TXNDC16: variants seen among roughly 807,000 people sequenced by gnomAD.
The protein encoded by TXNDC16 is thioredoxin domain containing 16, also known as thioredoxin domain-containing protein 16.
In TXNDC16, 74 loss-of-function variants were observed where a neutral mutation model predicts 85.6. That is an observed-to-expected ratio of 0.86 (90% CI 0.72 to 1.05). The LOEUF is 1.05. TXNDC16 is among the 50% of genes least tolerant of loss of function. The probability of loss-of-function intolerance (pLI) is 0.00; values close to 1 mark genes in which losing one functional copy is unlikely to be tolerated. For missense variants in TXNDC16, 959 were observed against 947.0 expected (o/e 1.01, Z -0.17); for synonymous variants, 335 against 326.5 (o/e 1.03, Z -0.28).
chr14:52,453,017 C>T (rs1400906089), intron 18 of TXNDC16, among the ~76,000 whole-genome samples: 4 of 152,026 alleles, frequency 2.6e-5, no homozygotes, highest in African/African-American at 9.7e-5. Flanking sequence ...AAAAAATGGG[C>T]AAAAGATCTG....
At position 52,514,818 on chromosome 14, in the gene TXNDC16, C is replaced by T. The variant is rs902846696; in HGVS notation, c.605+62G>A. The T allele has an allele frequency of 7.4e-5, 93 of 1,250,788 alleles. 1 individual carries two copies. The East Asian group carries it at 1.1e-3, about 15-fold the overall frequency. The allele number at this position is 1,250,788 out of a possible 1,614,324, so 77.5% of individuals were successfully genotyped here. On this transcript the variant is annotated intron_variant, in intron 8 of 20. Transcript: ENST00000281741. ...AGCATAATGGAAATGCTAAGTAATG[C>T]GAAATAAGTGAAGAAGAAAAAAAAA... is the stretch of plus-strand genomic sequence containing the variant.
intron 1 of TXNDC16, among the ~76,000 whole-genome samples, chr14:52,545,829 C>T (rs17125551): frequency 0.096 from 14,655 of 152,104 alleles, 828 homozygotes; most frequent in East Asian, 0.17. Flanking sequence ...AATGCATTTG[C>T]TCAGAGACAT....
intron 11 of TXNDC16, among the ~76,000 whole-genome samples, chr14:52,489,107 G>A (rs939783268): frequency 6.6e-6 from 1 of 151,966 alleles, no homozygotes; most frequent in Admixed American, 6.6e-5. Context: ...TTATAAAATG[G>A]AAATATATAC....
intron 7 of TXNDC16, among the ~76,000 whole-genome samples, chr14:52,515,669 ATGTGTGTGTGTGTGTGTGTGTGTGTG>A (rs57407287): frequency 6.9e-6 from 1 of 144,246 alleles, no homozygotes. Flanking sequence ...TTTCATACAT[ATGTGTGTGTGTGTGTGTGTGTGTGTG>A]TGTGTGTGTG....
chr14:52,493,474 G>C (rs193297389), intron 9 of TXNDC16, among the ~76,000 whole-genome samples: 1 of 152,016 alleles, frequency 6.6e-6, no homozygotes, highest in African/African-American at 2.4e-5. Flanking sequence ...GAAGACACTG[G>C]ATCCATAAAG....
chr14:52,478,027 C>A (rs2036058031), intron 14 of TXNDC16, among the ~76,000 whole-genome samples: 1 of 152,024 alleles, frequency 6.6e-6, no homozygotes, highest in Non-Finnish European at 1.5e-5. Context: ...TCAAAAGGAA[C>A]CTTCAAAACC....
At chr14:52,498,569 T>C (rs948914642) in intron 9 of TXNDC16, among the ~76,000 whole-genome samples, 8 of 151,916 alleles carry the variant, frequency 5.3e-5, no homozygotes, top group African/African-American at 1.2e-4. Context: ...CCATTTACAA[T>C]AGCATTGAAA....
At chr14:52,503,681 A>G (rs183377940) in intron 9 of TXNDC16, among the ~76,000 whole-genome samples, 1 of 152,330 alleles carries the variant, frequency 6.6e-6, no homozygotes, top group East Asian at 1.9e-4. Flanking sequence ...TACTCCTCCA[A>G]AGGAACGCAG....
intron 20 of TXNDC16, among the ~76,000 whole-genome samples, chr14:52,438,670 A>C (rs912523516): frequency 1.3e-5 from 2 of 152,194 alleles, no homozygotes; most frequent in African/African-American, 4.8e-5. Flanking sequence ...TCTCATACTG[A>C]ACCCTCAATA....
At chr14:52,520,476 G>A (rs934124990) in intron 6 of TXNDC16, among the ~76,000 whole-genome samples, 2 of 152,112 alleles carry the variant, frequency 1.3e-5, no homozygotes. Flanking sequence ...CAGGCGCAGT[G>A]GCGGGCACTT....
chr14:52,534,797 C>T (rs556935270), intron 6 of TXNDC16, among the ~76,000 whole-genome samples: 1 of 152,314 alleles, frequency 6.6e-6, no homozygotes, highest in South Asian at 2.1e-4. Context: ...AAGCCACATC[C>T]TATTCTGTTT....
At chr14:52,465,644 T>G (rs1192704634) in intron 16 of TXNDC16, among the ~76,000 whole-genome samples, 2 of 150,066 alleles carry the variant, frequency 1.3e-5, no homozygotes, top group Admixed American at 1.3e-4. Flanking sequence ...AGAGGCCACC[T>G]AGATGCAAAA....
chr14:52,537,755 T>C (rs1351973312), intron 4 of TXNDC16, 83 bp from the exon 5 acceptor site: 43 of 788,834 alleles, frequency 5.5e-5, no homozygotes, highest in South Asian at 1.4e-4. Context: ...GAGAATTAAA[T>C]ATTACAGTTT....
At position 52,432,537 on chromosome 14, in the gene TXNDC16, G is replaced by T. The variant is rs767407980; in HGVS notation, c.2245C>A (p.Leu749Ile). Residue 749 changes from leucine to isoleucine, a missense_variant, in exon 21 of 21, where the codon CTA becomes ATA. Physicochemically the swap from Leu to Ile is conservative, Grantham distance 5. Transcript: ENST00000281741. ...WKPPLPAYDFLSMIDAATSQR... is the reference protein window; with the variant it reads ...WKPPLPAYDFISMIDAATSQR... The stretch of plus-strand genomic sequence containing the variant: ...GATGTTGCGGCATCTATCATACTTA[G>T]AAAATCATAAGCTGGAAGAGGAGGT... The T allele has an allele frequency of 6.2e-7, 1 of 1,612,408 alleles. No individual in the cohort carries two copies. The highest frequency in any genetic ancestry group is 8.5e-7 in the Non-Finnish European group (1 of 1,179,416).
chr14:52,524,239 C>T (rs2140199399), intron 6 of TXNDC16, among the ~76,000 whole-genome samples: 1 of 152,286 alleles, frequency 6.6e-6, no homozygotes, highest in South Asian at 2.1e-4. Context: ...TCCTTACGCT[C>T]TGCAATAATG....
Position 52,470,537 on chromosome 14 carries a change from C to T in TXNDC16, c.1456G>A (p.Glu486Lys), listed in dbSNP as rs7155490. ...AGCTGGATAAATTTTAGGAGATCTT[C>T]GGTTCCTAACATTCCAGCATAAGAT... Reference protein sequence around the residue: ...PVSYAGMLGTEDLLKFIQLNR... With the variant: ...PVSYAGMLGTKDLLKFIQLNR... The change falls in exon 15 of 21, where the codon GAA (glutamate) becomes AAA (lysine). Residue 486 changes from glutamate to lysine, a missense_variant. Transcript: ENST00000281741. 284,438 of 1,612,084 alleles carry T rather than the reference C, an allele frequency of 0.18. 26,555 individuals carry two copies. The highest frequency in any genetic ancestry group is 0.34 in the East Asian group (15,242 of 44,778).
intron 9 of TXNDC16, among the ~76,000 whole-genome samples, chr14:52,501,032 C>T (rs770589785): frequency 2.0e-5 from 3 of 152,042 alleles, no homozygotes; most frequent in Non-Finnish European, 2.9e-5. Flanking sequence ...ATAATTGAAC[C>T]ATTTTCCCAT....
chr14:52,493,704 A>T (rs7155960), intron 9 of TXNDC16, among the ~76,000 whole-genome samples: 2 of 151,966 alleles, frequency 1.3e-5, no homozygotes, highest in Admixed American at 6.6e-5. Flanking sequence ...AGATTGAAAG[A>T]GCCCACTGAA....
Position 52,490,380 on chromosome 14 carries a change from A to T in TXNDC16, c.984+11T>A, listed in dbSNP as rs1463928575. 3.2e-6 allele frequency: 5 copies of T among 1,575,784 alleles called. No individual in the cohort carries two copies. Among genetic ancestry groups the T allele is most frequent in the Non-Finnish European group, 3.4e-6 (4 of 1,163,490 alleles). The stretch of plus-strand genomic sequence containing the variant: ...AACAGATATTGTAGAACAATACATA[A>T]AACAACTAACCTCTTCTGCTCTTTT... On this transcript the variant is annotated intron_variant, in intron 11 of 20. Coordinates refer to ENST00000281741, the MANE Select transcript of TXNDC16 (RefSeq NM_020784.3).
Sources: allele counts gnomAD v4.1 joint callset (sites outside exome capture counted in the v4.1 genomes callset), GRCh38; gene constraint gnomAD v4.1.1; transcripts MANE v1.5; gene names NCBI Gene and HGNC (gene_info 2026-07-23, HGNC 2026-07-21).